The following PLEKHA5 variants were observed in gnomAD, a reference collection of about 807,000 sequenced individuals.
PLEKHA5 encodes pleckstrin homology domain containing A5, also known as pleckstrin homology domain-containing family A member 5.
In PLEKHA5, 55 loss-of-function variants were observed where a neutral mutation model predicts 181.9. The ratio of observed to expected loss-of-function variants is 0.30; its 90% CI spans 0.24 to 0.38. The LOEUF is 0.38. Ranked by LOEUF, PLEKHA5 falls within the 10% of genes least tolerant of loss-of-function variation. PLEKHA5 has a pLI of 1.00. For synonymous variants in PLEKHA5, 535 were observed against 529.4 expected (o/e 1.01, Z -0.15); for missense variants, 1,432 against 1,549.5 (o/e 0.92, Z 1.27).
chr12:19,297,223 C>T (rs1301191070), intron 15 of PLEKHA5, among the ~76,000 whole-genome samples: 1 of 152,052 alleles, frequency 6.6e-6, no homozygotes, highest in Non-Finnish European at 1.5e-5. Flanking sequence ...CTGCAGTAAC[C>T]AGCCTCTTCT....
At chr12:19,280,042 T>G (rs1468706805) in intron 11 of PLEKHA5, among the ~76,000 whole-genome samples, 14 of 118,544 alleles carry the variant, frequency 1.2e-4, no homozygotes, top group African/African-American at 4.4e-4. Flanking sequence ...ACCTGTTTTT[T>G]TTTTTTTTTT....
intron 10 of PLEKHA5, among the ~76,000 whole-genome samples, chr12:19,272,705 C>T (rs2073293271): frequency 6.6e-6 from 1 of 152,184 alleles, no homozygotes; most frequent in South Asian, 2.1e-4. Flanking sequence ...TCACTGCACT[C>T]CCCCCTGGGT....
chr12:19,333,286 A>C (rs2093031966), intron 20 of PLEKHA5, among the ~76,000 whole-genome samples: 1 of 151,588 alleles, frequency 6.6e-6, no homozygotes. Context: ...ACTCCATCTC[A>C]AAAAAAAGAA....
In PLEKHA5 at chr12:19,129,745, C is replaced by A; in HGVS notation, c.-55C>A. On this transcript the variant is annotated 5_prime_UTR_variant, in exon 1 of 32. Coordinates refer to ENST00000429027, the MANE Select transcript of PLEKHA5 (RefSeq NM_001256470.2). ...CCTTCGCTCGCTCGTTCCCTCCTCC[C>A]TCGGCAGCCGCGGCGGCAGCAGGAG... 1 of 1,412,044 alleles carries A rather than the reference C, an allele frequency of 7.1e-7. No homozygotes were observed. 87.5% of individuals were successfully genotyped at this position (1,412,044 alleles called of 1,614,324 possible).
At position 19,361,721 on chromosome 12, in the gene PLEKHA5, A is replaced by G; in HGVS notation, c.3608+15A>G. The stretch of plus-strand genomic sequence containing the variant: ...GTTACATTCAGGTAATATTTAAGAA[A>G]AGCAAAGGAATCATTCACAAAACTG... On this transcript the variant is annotated intron_variant, in intron 29 of 31. Coordinates refer to ENST00000429027, the MANE Select transcript of PLEKHA5 (RefSeq NM_001256470.2). The G allele has an allele frequency of 6.3e-7, 1 of 1,585,410 alleles. No homozygotes were observed. The highest frequency in any genetic ancestry group is 8.6e-7 in the Non-Finnish European group (1 of 1,165,714).
chr12:19,179,454 T>C (rs753353182), intron 3 of PLEKHA5, among the ~76,000 whole-genome samples: 26 of 152,038 alleles, frequency 1.7e-4, no homozygotes, highest in Non-Finnish European at 3.7e-4. Flanking sequence ...GTCAGGAGTT[T>C]GAGACCAGCC....
chr12:19,170,511 T>G (rs894852986), intron 3 of PLEKHA5, among the ~76,000 whole-genome samples: 4 of 151,830 alleles, frequency 2.6e-5, no homozygotes, highest in African/African-American at 9.7e-5. Context: ...CTGCAACCTC[T>G]GCCTCCTGGG....
At chr12:19,350,464 G>C (rs1484846080) in intron 25 of PLEKHA5, among the ~76,000 whole-genome samples, 1 of 152,126 alleles carries the variant, frequency 6.6e-6, no homozygotes, top group African/African-American at 2.4e-5. Flanking sequence ...ACTAAGTAAA[G>C]TTTGAAAAAC....
chr12:19,339,711 G>A (rs2093712682), intron 21 of PLEKHA5, among the ~76,000 whole-genome samples: 2 of 152,068 alleles, frequency 1.3e-5, no homozygotes, highest in Admixed American at 1.3e-4. Flanking sequence ...AAAAGAATGA[G>A]AAGTCATACT....
intron 3 of PLEKHA5, among the ~76,000 whole-genome samples, chr12:19,162,512 G>A (rs1447478393): frequency 6.6e-6 from 1 of 151,448 alleles, no homozygotes; most frequent in East Asian, 1.9e-4. Context: ...CATGTGAAAT[G>A]ATTGACAAAT....
chr12:19,158,917 G>A (rs961960525), intron 3 of PLEKHA5, among the ~76,000 whole-genome samples: 2 of 152,024 alleles, frequency 1.3e-5, no homozygotes, highest in Admixed American at 1.3e-4. Context: ...ATTTTAACTT[G>A]TAAGTGATCA....
At chr12:19,244,771 ACC>A (rs1250313323) in intron 3 of PLEKHA5, among the ~76,000 whole-genome samples, 1 of 152,200 alleles carries the variant, frequency 6.6e-6, no homozygotes, top group Non-Finnish European at 1.5e-5. Flanking sequence ...CAACGATATT[ACC>A]ATGGTTACAT....
intron 3 of PLEKHA5, among the ~76,000 whole-genome samples, chr12:19,142,330 C>A (rs1489673850): frequency 1.3e-5 from 2 of 152,286 alleles, no homozygotes; most frequent in Non-Finnish European, 1.5e-5. Flanking sequence ...GATCATGCCA[C>A]TGCACTTCAG....
At chr12:19,282,035 G>A (rs571875716) in intron 11 of PLEKHA5, among the ~76,000 whole-genome samples, 24 of 152,148 alleles carry the variant, frequency 1.6e-4, no homozygotes, top group African/African-American at 4.3e-4. Flanking sequence ...GCCTGCCTCC[G>A]CCTCCCAAAG....
chr12:19,302,776 T>C (rs1474908073), intron 15 of PLEKHA5, among the ~76,000 whole-genome samples: 1 of 151,948 alleles, frequency 6.6e-6, no homozygotes, highest in African/African-American at 2.4e-5. Context: ...TGTAGTTACA[T>C]ATATATATAA....
At chr12:19,260,868 TA>T in intron 6 of PLEKHA5, 80 bp from the exon 7 acceptor site, 1 of 878,812 alleles carries the variant, frequency 1.1e-6, no homozygotes, top group Non-Finnish European at 1.7e-6. Flanking sequence ...CTCAAAAAAA[TA>T]AAAATAAATA....
chr12:19,162,384 G>A (rs933122129), intron 3 of PLEKHA5, among the ~76,000 whole-genome samples: 2 of 152,102 alleles, frequency 1.3e-5, no homozygotes, highest in Non-Finnish European at 2.9e-5. Context: ...TTTGCACATC[G>A]ATAAATATTT....
At chr12:19,305,239 G>A (rs817619) in intron 15 of PLEKHA5, among the ~76,000 whole-genome samples, 138,855 of 152,180 alleles carry the variant, frequency 0.91, 64,243 homozygotes, top group Non-Finnish European at 1. Flanking sequence ...ATATAATTCA[G>A]TGGTTTTTGA....
chr12:19,130,018 G>C lies in PLEKHA5; in HGVS notation c.90-33G>C. The C allele has an allele frequency of 6.5e-7, 1 of 1,535,488 alleles. No individual in the cohort carries two copies. Among genetic ancestry groups the C allele is most frequent in the Middle Eastern group, 1.7e-4 (1 of 5,860 alleles). ...GGCTCGCCCCCGCGTCCCCTCTCAC[G>C]CTCCGTGTCTGCCCCTTCTCTCACC... On this transcript the variant is annotated intron_variant, in intron 1 of 31. Coordinates refer to ENST00000429027, the MANE Select transcript of PLEKHA5 (RefSeq NM_001256470.2). The surrounding 1 kb of genome is among the most constrained non-coding windows in gnomAD (Gnocchi z 4.5).
Sources: allele counts gnomAD v4.1 joint callset (sites outside exome capture counted in the v4.1 genomes callset), GRCh38; gene constraint gnomAD v4.1.1; non-coding constraint Gnocchi (gnomAD v3.1); transcripts MANE v1.5; gene names NCBI Gene and HGNC (gene_info 2026-07-23, HGNC 2026-07-21).